The following ACYP2 variants were observed in gnomAD, a reference collection of about 807,000 sequenced individuals.
ACYP2 encodes acylphosphatase-2.
ACYP2 carries 12 observed loss-of-function variants against 11.2 expected under a neutral mutation model. The ratio of observed to expected loss-of-function variants is 1.08; its 90% CI spans 0.69 to 1.74. The LOEUF is 1.74. Ranked by LOEUF, ACYP2 falls within the 40% of genes most tolerant of loss-of-function variation. The pLI is 0.00. For missense variants in ACYP2, 134 were observed against 101.9 expected, an observed-to-expected ratio of 1.31 and a Z score of -1.35; for synonymous variants, 43 against 32.2, an observed-to-expected ratio of 1.33 and a Z score of -1.13.
intron 6 of ACYP2, among the ~76,000 whole-genome samples, chr2:54,153,048 G>A (rs1682254967): frequency 6.6e-6 from 1 of 151,938 alleles, no homozygotes; most frequent in Admixed American, 6.6e-5. Context: ...TATAATTATA[G>A]GGTACACAGT....
chr2:54,173,325 T>C (rs1683293745), intron 6 of ACYP2, among the ~76,000 whole-genome samples: 1 of 152,254 alleles, frequency 6.6e-6, no homozygotes, highest in Non-Finnish European at 1.5e-5. Flanking sequence ...CATGTGTCTG[T>C]TGGCTGCATA....
At chr2:54,303,531 G>C (rs931762975) in intron 6 of ACYP2, among the ~76,000 whole-genome samples, 3 of 152,050 alleles carry the variant, frequency 2.0e-5, no homozygotes, top group Admixed American at 1.3e-4. Context: ...CATTTTAAAG[G>C]TTTTACCTAA....
chr2:53,988,381 C>G (rs1399111494), intron 2 of ACYP2, among the ~76,000 whole-genome samples: 2 of 151,910 alleles, frequency 1.3e-5, no homozygotes, highest in African/African-American at 4.8e-5. Flanking sequence ...ATGAATGTCC[C>G]AAGTAATTCA....
intron 6 of ACYP2, among the ~76,000 whole-genome samples, chr2:54,273,727 G>A (rs1382519600): frequency 6.6e-6 from 1 of 152,194 alleles, no homozygotes; most frequent in Non-Finnish European, 1.5e-5. Context: ...CGACCTGCCA[G>A]TGTTGGGATT....
intron 6 of ACYP2, among the ~76,000 whole-genome samples, chr2:54,243,804 G>A (rs919763673): frequency 4.0e-5 from 6 of 151,788 alleles, no homozygotes; most frequent in African/African-American, 1.2e-4. Flanking sequence ...CGAACTCCTG[G>A]CCTCAAGTGA....
intron 6 of ACYP2, among the ~76,000 whole-genome samples, chr2:54,208,705 CTT>C (rs58189502): frequency 2.1e-5 from 2 of 94,542 alleles, no homozygotes; most frequent in Admixed American, 1.8e-4. Context: ...AAAAGGGAGA[CTT>C]TTTTTTTTCA....
chr2:54,239,219 T>A (rs1440305293), intron 6 of ACYP2, among the ~76,000 whole-genome samples: 2 of 152,140 alleles, frequency 1.3e-5, no homozygotes, highest in Non-Finnish European at 2.9e-5. Context: ...TTGCCTGAAG[T>A]CAGCATGCCT....
chr2:54,261,588 T>C (rs1226550643), intron 6 of ACYP2, among the ~76,000 whole-genome samples: 2 of 152,178 alleles, frequency 1.3e-5, no homozygotes, highest in Admixed American at 6.5e-5. Flanking sequence ...AGCCTGTGAA[T>C]TGTATAGTCT....
intron 2 of ACYP2, among the ~76,000 whole-genome samples, chr2:54,050,667 A>C (rs1200422402): frequency 6.6e-6 from 1 of 152,172 alleles, no homozygotes; most frequent in African/African-American, 2.4e-5. Context: ...AGTCATGTAT[A>C]CACCGCTCCA....
intron 4 of ACYP2, among the ~76,000 whole-genome samples, chr2:54,065,296 G>T (rs1374804929): frequency 1.3e-5 from 2 of 152,110 alleles, no homozygotes; most frequent in African/African-American, 2.4e-5. Flanking sequence ...TTTGCTGTTT[G>T]AATTGGATGT....
Position 54,255,276 on chromosome 2 carries a change from G to A in ACYP2, c.405-49412G>A, listed in dbSNP as rs760064420. The A allele has an allele frequency of 5.0e-6, 8 of 1,614,146 alleles. No homozygotes were observed. The East Asian group carries it at 1.1e-4, about 22-fold the overall frequency. ...TTCTTTGAAAGAAGAACTTAAACTT[G>A]CAGCCTGTCCTAGGGTGTCTGAGCT... On this transcript the variant is annotated intron_variant, in intron 6 of 6. Coordinates refer to ENST00000607452, the MANE Select transcript of ACYP2 (RefSeq NM_001320586.2).
chr2:54,303,612 G>T (rs1336600677), intron 6 of ACYP2, among the ~76,000 whole-genome samples: 2 of 152,092 alleles, frequency 1.3e-5, no homozygotes, highest in Non-Finnish European at 2.9e-5. Flanking sequence ...TCCAAATAAA[G>T]GGTTAAAAAG....
intron 6 of ACYP2, among the ~76,000 whole-genome samples, chr2:54,267,573 C>A (rs1303179640): frequency 6.6e-6 from 1 of 152,112 alleles, no homozygotes; most frequent in Non-Finnish European, 1.5e-5. Flanking sequence ...AATAATAGGC[C>A]TCCCTGGGGT....
At chr2:54,253,546 T>C (rs1687336858) in intron 6 of ACYP2, 1 of 152,174 alleles carries the variant, frequency 6.6e-6, no homozygotes, top group Non-Finnish European at 1.5e-5. Context: ...GGAACATATT[T>C]AACACTCCAA....
intron 4 of ACYP2, among the ~76,000 whole-genome samples, chr2:54,108,241 T>G (rs1679271813): frequency 6.6e-6 from 1 of 152,218 alleles, no homozygotes; most frequent in Non-Finnish European, 1.5e-5. Flanking sequence ...ATGAGGAATC[T>G]TAATTGCAAG....
intron 4 of ACYP2, among the ~76,000 whole-genome samples, chr2:54,104,045 G>A (rs777042305): frequency 2.6e-5 from 4 of 152,240 alleles, no homozygotes; most frequent in Admixed American, 6.5e-5. Context: ...AAAGCAGGCA[G>A]CCAGTATTTT....
chr2:54,019,609 T>A (rs1408801677), intron 2 of ACYP2, among the ~76,000 whole-genome samples: 2 of 148,546 alleles, frequency 1.3e-5, no homozygotes, highest in Non-Finnish European at 3.0e-5. Context: ...CCCCTGTGCT[T>A]TTATTATTAT....
At chr2:54,113,450 C>T (rs985628835) in intron 4 of ACYP2, among the ~76,000 whole-genome samples, 7 of 151,926 alleles carry the variant, frequency 4.6e-5, no homozygotes, top group African/African-American at 1.2e-4. Flanking sequence ...ACTGTATTGT[C>T]CAGGCTGGTC....
Position 54,115,845 on chromosome 2 carries a change from C to T in ACYP2, c.278-19608C>T, listed in dbSNP as rs576680539. On this transcript the variant is annotated intron_variant, in intron 4 of 6. Coordinates refer to ENST00000607452, the MANE Select transcript of ACYP2 (RefSeq NM_001320586.2). ...GAAGCGCCTCCCACCTAAAGTATGCCTTTTCCCGTTGTGGCTGGGACTTCC... is the reference window on the plus strand; with the variant it reads ...GAAGCGCCTCCCACCTAAAGTATGCTTTTTCCCGTTGTGGCTGGGACTTCC... The T allele has an allele frequency of 1.7e-4, 228 of 1,380,044 alleles. No individual in the cohort carries two copies. The African/African-American group carries it at 2.8e-3, about 17-fold the overall frequency. The allele number at this position is 1,380,044 out of a possible 1,614,324, so 85.5% of individuals were successfully genotyped here. A position where few individuals can be genotyped will look rare whatever the true frequency, so the allele number is the denominator to read the frequency against.
Sources: gnomAD v4.1 joint callset for allele counts (sites outside exome capture counted in the v4.1 genomes callset) on GRCh38, gnomAD v4.1.1 for gene constraint, MANE v1.5 for transcripts, NCBI Gene and HGNC (gene_info 2026-07-23, HGNC 2026-07-21) for gene names.